MAP1B: variants seen among roughly 807,000 people sequenced by gnomAD.
MAP1B encodes the protein microtubule-associated protein 1B.
In MAP1B, 12 loss-of-function variants were observed where a neutral mutation model predicts 176.1. The observed-to-expected ratio is 0.07, with a 90% CI of 0.04 to 0.11. MAP1B has a LOEUF of 0.11. Among genes scored for constraint, MAP1B ranks in the 10% least tolerant of loss-of-function variants. MAP1B has a pLI of 1.00. For synonymous variants in MAP1B, 1,044 were observed against 1,135.0 expected (o/e 0.92, Z 1.61); for missense variants, 2,523 against 2,990.5 (o/e 0.84, Z 3.65).
Position 72,115,200 on chromosome 5 carries a change from T to C in MAP1B, c.185-498T>C, listed in dbSNP as rs146270724. Among the ~76,000 whole-genome samples, 8 of 152,306 alleles carry C rather than the reference T, an allele frequency of 5.3e-5. 1 individual carries two copies. The highest frequency in any genetic ancestry group is 2.1e-4 in the South Asian group (1 of 4,826). ...ATTGGTAAAGGAAAGAAATTACACA[T>C]GTATACTACCAGAACATCATTTTAG... On this transcript the variant is annotated intron_variant, in intron 1 of 6. Coordinates refer to ENST00000296755, the MANE Select transcript of MAP1B (RefSeq NM_005909.5).
chr5:72,179,595 G>T (rs1746723705), intron 2 of MAP1B: 2 of 985,366 alleles, frequency 2.0e-6, no homozygotes, highest in Non-Finnish European at 2.4e-6. Flanking sequence ...CCAGGGGTGG[G>T]GGCGCGTCAG....
rs967811675 is a variant in MAP1B, at chr5:72,204,521, C to T, written c.7252-563C>T. Among the ~76,000 whole-genome samples the T allele has an allele frequency of 6.6e-6, 1 of 152,138 alleles. No homozygotes were observed. The highest frequency in any genetic ancestry group is 1.5e-5 in the Non-Finnish European group (1 of 68,026). ...TATATAGAATTACTTGTTATTTAAT[C>T]ATATGAAATCTAATGAGAGGCACCC... On this transcript the variant is annotated intron_variant, in intron 6 of 6. Coordinates refer to ENST00000296755, the MANE Select transcript of MAP1B (RefSeq NM_005909.5). The surrounding 1 kb of genome is among the most constrained non-coding windows in gnomAD (Gnocchi z 4.4).
In MAP1B at chr5:72,205,598, C is replaced by A; in HGVS notation, c.*359C>A. The A allele has an allele frequency of 1.2e-5, 2 of 170,294 alleles. No individual in the cohort carries two copies. Among genetic ancestry groups the A allele is most frequent in the East Asian group, 1.6e-4 (1 of 6,286 alleles). 10.5% of individuals were successfully genotyped at this position (170,294 alleles called of 1,614,324 possible). ...GAGAGAGTGAGAGAGAGTGAGAGCACAAAGATAACGCAGGAGAGAGAGAGA... is the reference window on the plus strand; with the variant it reads ...GAGAGAGTGAGAGAGAGTGAGAGCAAAAAGATAACGCAGGAGAGAGAGAGA... On this transcript the variant is annotated 3_prime_UTR_variant, in exon 7 of 7. Transcript: ENST00000296755.
chr5:72,132,832 C>A (rs571056385), intron 2 of MAP1B, among the ~76,000 whole-genome samples: 6 of 151,998 alleles, frequency 3.9e-5, no homozygotes, highest in African/African-American at 1.5e-4. Context: ...CTCATTTTTC[C>A]TTGTGCTGCA....
intron 2 of MAP1B, among the ~76,000 whole-genome samples, chr5:72,179,106 G>A (rs529821476): frequency 3.6e-3 from 541 of 152,148 alleles, no homozygotes; most frequent in Non-Finnish European, 6.5e-3. Context: ...CTGAGGTGGC[G>A]CGGACCCCTT....
chr5:72,185,660 G>A lies in MAP1B; in HGVS notation c.370-954G>A, dbSNP rs979175844. 7.9e-5 allele frequency among the ~76,000 whole-genome samples: 12 copies of A among 152,068 alleles called. No individual in the cohort carries two copies. In the South Asian group the frequency reaches 1.0e-3, roughly 13 times the overall value. Reference sequence around the variant, plus strand: ...TAATATATGTCCAGGCAAACTGCCCGGAAGAGTTGTGAGAAAGGAAAAATA... The same window carrying A: ...TAATATATGTCCAGGCAAACTGCCCAGAAGAGTTGTGAGAAAGGAAAAATA... On this transcript the variant is annotated intron_variant, in intron 3 of 6. Coordinates refer to ENST00000296755, the MANE Select transcript of MAP1B (RefSeq NM_005909.5).
At chr5:72,193,442 G>A in intron 4 of MAP1B, 1 of 292,602 alleles carries the variant, frequency 3.4e-6, no homozygotes. Flanking sequence ...ATAGTTTAAC[G>A]TTTTTTTTTA....
chr5:72,129,709 C>T (rs1191067069), intron 2 of MAP1B, among the ~76,000 whole-genome samples: 2 of 152,044 alleles, frequency 1.3e-5, no homozygotes, highest in South Asian at 2.1e-4. Flanking sequence ...TTCTTCTCTC[C>T]TTCTTCTTTT....
At chr5:72,164,226 C>T (rs2112184497) in intron 2 of MAP1B, among the ~76,000 whole-genome samples, 2 of 152,222 alleles carry the variant, frequency 1.3e-5, no homozygotes, top group East Asian at 3.9e-4. Context: ...CTGCCACGCC[C>T]AGCCTGCTAT....
rs574830745 is a variant in MAP1B, at chr5:72,121,983, G to T, written c.286+6184G>T. Among the ~76,000 whole-genome samples the T allele has an allele frequency of 5.3e-5, 8 of 152,308 alleles. No homozygotes were observed. The East Asian group carries it at 1.5e-3, about 29-fold the overall frequency. On this transcript the variant is annotated intron_variant, in intron 2 of 6. Coordinates refer to ENST00000296755, the MANE Select transcript of MAP1B (RefSeq NM_005909.5). ...TCTGTGTTGTTTGTGTACACGCACA[G>T]GTCTAGGTACTTGTCCCCATGCCTG...
intron 4 of MAP1B, among the ~76,000 whole-genome samples, chr5:72,191,583 C>T (rs1291221847): frequency 1.3e-5 from 2 of 152,232 alleles, no homozygotes; most frequent in African/African-American, 4.8e-5. Flanking sequence ...CTCCTCCTCC[C>T]TCTGCCCAAT....
intron 2 of MAP1B, among the ~76,000 whole-genome samples, chr5:72,133,800 G>T (rs1022194212): frequency 6.6e-6 from 1 of 152,202 alleles, no homozygotes; most frequent in Non-Finnish European, 1.5e-5. Flanking sequence ...TTGACTCAGT[G>T]TTCAAACCAA....
intron 2 of MAP1B, among the ~76,000 whole-genome samples, chr5:72,118,145 A>G (rs193053122): frequency 8.3e-4 from 127 of 152,300 alleles, no homozygotes; most frequent in African/African-American, 3.0e-3. Context: ...CTGAAATGGA[A>G]TTAGCTGAAC....
At chr5:72,180,864 T>A (rs925902639) in intron 2 of MAP1B, among the ~76,000 whole-genome samples, 9 of 152,234 alleles carry the variant, frequency 5.9e-5, no homozygotes, top group African/African-American at 2.2e-4. Context: ...AACTGTCTTT[T>A]GGCATTTGGT....
intron 2 of MAP1B, among the ~76,000 whole-genome samples, chr5:72,182,258 G>A (rs116129284): frequency 8.2e-4 from 125 of 152,138 alleles, no homozygotes; most frequent in Admixed American, 1.1e-3. Flanking sequence ...TTAGTCCCTG[G>A]AACCTTCTAA....
At chr5:72,114,007 A>AAGAGCCATAAAATTCTCCCTT (rs1561288704) in intron 1 of MAP1B, among the ~76,000 whole-genome samples, 5 of 152,214 alleles carry the variant, frequency 3.3e-5, no homozygotes. Flanking sequence ...TGTTTCCAGG[A>AAGAGCCATAAAATTCTCCCTT]AGAGCCATAA....
chr5:72,138,254 C>T (rs1745873342), intron 2 of MAP1B, among the ~76,000 whole-genome samples: 1 of 152,032 alleles, frequency 6.6e-6, no homozygotes, highest in African/African-American at 2.4e-5. Context: ...TATACACATA[C>T]CAAATGGCCA....
intron 1 of MAP1B, among the ~76,000 whole-genome samples, chr5:72,112,946 A>G (rs930910419): frequency 1.3e-5 from 2 of 152,172 alleles, no homozygotes; most frequent in Non-Finnish European, 2.9e-5. Flanking sequence ...CTCTTCACCA[A>G]CACCCCAGGA....
At chr5:72,192,185 G>C (rs1747038567) in intron 4 of MAP1B, among the ~76,000 whole-genome samples, 1 of 152,180 alleles carries the variant, frequency 6.6e-6, no homozygotes, top group Admixed American at 6.5e-5. Context: ...GGGATCTAGA[G>C]ACTTTTAATT....
Sources: gnomAD v4.1 joint callset for allele counts (sites outside exome capture counted in the v4.1 genomes callset) on GRCh38, gnomAD v4.1.1 for gene constraint, Gnocchi (gnomAD v3.1) non-coding constraint, MANE v1.5 for transcripts, NCBI Gene and HGNC (gene_info 2026-07-23, HGNC 2026-07-21) for gene names.